PCYT1B: variants seen among roughly 807,000 people sequenced by gnomAD.
PCYT1B encodes the protein phosphate cytidylyltransferase 1B, choline.
Under a neutral mutation model 26.4 loss-of-function variants are expected in PCYT1B, and 10 were observed. The observed-to-expected ratio is 0.38, with a 90% CI of 0.23 to 0.64. The LOEUF is 0.64. Among genes scored for constraint, PCYT1B ranks in the 30% least tolerant of loss-of-function variants. PCYT1B has a pLI of 0.56. For synonymous variants in PCYT1B, 131 were observed against 108.4 expected, an observed-to-expected ratio of 1.21 and a Z score of -1.29; for missense variants, 161 against 292.7, an observed-to-expected ratio of 0.55 and a Z score of 3.28.
In PCYT1B at chrX:24,560,780, G is replaced by A. The variant is rs780286322; in HGVS notation, c.*1513C>T. ...AGATTCTGGGCTCTGCCTACAAGTTGCTGGTTTGGGCCTCTATTCAGTCAG... is the reference window on the plus strand; with the variant it reads ...AGATTCTGGGCTCTGCCTACAAGTTACTGGTTTGGGCCTCTATTCAGTCAG... On this transcript the variant is annotated 3_prime_UTR_variant, in exon 8 of 8. Transcript: ENST00000379144. The A allele has an allele frequency of 8.9e-6, 1 of 112,184 alleles. No homozygotes were observed. The highest frequency in any genetic ancestry group is 1.9e-5 in the Non-Finnish European group (1 of 53,176). The allele number at this position is 112,184 out of a possible 1,213,427, so 9.2% of individuals were successfully genotyped here. A position where few individuals can be genotyped will look rare whatever the true frequency, so the allele number is the denominator to read the frequency against.
rs1389560390 is a variant in PCYT1B at position 24,560,190 on chromosome X, TAAAGTGAGGTCCTG to T, written c.*2089_*2102del. ...GGCCTTCCCAAGAGAGTCTCACCTG[TAAAGTGAGGTCCTG>T]AAATGGTTTTATGAGAGCAGATTTT... is the stretch of plus-strand genomic sequence containing the variant. On this transcript the variant is annotated 3_prime_UTR_variant, in exon 8 of 8. Transcript: ENST00000379144. 8.9e-6 allele frequency: 1 copy of T among 112,001 alleles called. No individual in the cohort carries two copies. The highest frequency in any genetic ancestry group is 1.9e-5 in the Non-Finnish European group (1 of 53,190). 9.2% of individuals were successfully genotyped at this position (112,001 alleles called of 1,213,427 possible).
At chrX:24,671,867 A>G (rs1291644889) in intron 1 of PCYT1B, among the ~76,000 whole-genome samples, 1 of 112,361 alleles carries the variant, frequency 8.9e-6, no homozygotes, top group Non-Finnish European at 1.9e-5. Flanking sequence ...CCTCTGCCCA[A>G]GAGAAAAGAC....
chrX:24,654,749 C>CAAAAAAAAAAAAAAAAAAAAAAAAAAAAA (rs574317952), intron 1 of PCYT1B, among the ~76,000 whole-genome samples: 1 of 40,047 alleles, frequency 2.5e-5, no homozygotes, highest in Non-Finnish European at 4.0e-5. Flanking sequence ...GACCCTGTCT[C>CAAAAAAAAAAAAAAAAAAAAAAAAAAAAA]AAAAAAAAAA....
At chrX:24,613,520 T>C (rs977229806) in intron 2 of PCYT1B, among the ~76,000 whole-genome samples, 13 of 112,083 alleles carry the variant, frequency 1.2e-4, no homozygotes, top group African/African-American at 4.2e-4. Flanking sequence ...TCACAGATGA[T>C]ACATGAATAA....
At chrX:24,610,152 G>A (rs1005821971) in intron 2 of PCYT1B, among the ~76,000 whole-genome samples, 1 of 110,641 alleles carries the variant, frequency 9.0e-6, no homozygotes, top group African/African-American at 3.3e-5. Flanking sequence ...ATTTAAAAAA[G>A]AAATCAATGC....
chrX:24,623,250 GC>G (rs1315986325), intron 1 of PCYT1B, among the ~76,000 whole-genome samples: 4 of 109,094 alleles, frequency 3.7e-5, no homozygotes, highest in Non-Finnish European at 7.6e-5. Context: ...ACTCTTTTGA[GC>G]ATGAAAATCA....
At position 24,560,110 on chromosome X, in the gene PCYT1B, A is replaced by G. The variant is rs61756161; in HGVS notation, c.*2183T>C. 0.013 allele frequency: 1,437 copies of G among 112,263 alleles called. 15 individuals are homozygous for G. The highest frequency in any genetic ancestry group is 0.055 in the Middle Eastern group (12 of 217). The allele number at this position is 112,263 out of a possible 1,213,427, so 9.3% of individuals were successfully genotyped here. On this transcript the variant is annotated 3_prime_UTR_variant, in exon 8 of 8. Coordinates refer to ENST00000379144, the MANE Select transcript of PCYT1B (RefSeq NM_004845.5). ...TGATACACTATTTGCTCCAGAGTAT[A>G]AGATTCAGGTAAAAGTGAATCTATC...
At chrX:24,628,404 G>C (rs1249207406) in intron 1 of PCYT1B, among the ~76,000 whole-genome samples, 1 of 111,250 alleles carries the variant, frequency 9.0e-6, no homozygotes, top group Non-Finnish European at 1.9e-5. Flanking sequence ...AATGATAATT[G>C]ATAAAGACAA....
chrX:24,591,145 A>T lies in PCYT1B; in HGVS notation c.335-971T>A, dbSNP rs190125300. Among the ~76,000 whole-genome samples the T allele has an allele frequency of 9.7e-3, 1,089 of 111,714 alleles. 7 individuals carry two copies. Among genetic ancestry groups the T allele is most frequent in the Middle Eastern group, 0.018 (4 of 217 alleles). ...CAGGTTCCTGAACCCTCAAATGGGG[A>T]TATCTTCCACTATCAGCCTTAGAAA... On this transcript the variant is annotated intron_variant, in intron 3 of 7. Transcript: ENST00000379144.
chrX:24,579,687 AC>A (rs1391846389), intron 5 of PCYT1B, among the ~76,000 whole-genome samples: 1 of 111,128 alleles, frequency 9.0e-6, no homozygotes, highest in East Asian at 2.8e-4. Flanking sequence ...CATACCATGT[AC>A]TTGCCTGGCC....
At chrX:24,662,979 C>A (rs1174909121) in intron 1 of PCYT1B, among the ~76,000 whole-genome samples, 1 of 111,794 alleles carries the variant, frequency 8.9e-6, no homozygotes, top group Non-Finnish European at 1.9e-5. Flanking sequence ...GTGCTTGACA[C>A]CCATGACAAA....
intron 7 of PCYT1B, among the ~76,000 whole-genome samples, chrX:24,567,935 C>T (rs925950988): frequency 2.7e-5 from 3 of 110,784 alleles, no homozygotes; most frequent in African/African-American, 6.6e-5. Context: ...GGCAACAGAG[C>T]GAGACTCCAT....
intron 1 of PCYT1B, among the ~76,000 whole-genome samples, chrX:24,652,419 C>T (rs1021396997): frequency 1.8e-5 from 2 of 110,293 alleles, no homozygotes; most frequent in Admixed American, 1.9e-4. Context: ...ATTAGCCAAG[C>T]GTGTTGGTGG....
At chrX:24,672,674 C>A in exon 1 of PCYT1B, 1 of 1,031,818 alleles carries the variant, frequency 9.7e-7, no homozygotes, top group Non-Finnish European at 1.3e-6. Flanking sequence ...GGCCTCTACC[C>A]TTTGGAGTTC....
In PCYT1B at chrX:24,652,546, C is replaced by T. The variant is rs1365613603; in HGVS notation, c.63+20024G>A. 7.7e-5 allele frequency among the ~76,000 whole-genome samples: 8 copies of T among 104,321 alleles called. No homozygotes were observed. In the East Asian group the frequency reaches 1.5e-3, roughly 20 times the overall value. The allele number at this position is 104,321 out of a possible 115,157, so 90.6% of individuals were successfully genotyped here. A position where few individuals can be genotyped will look rare whatever the true frequency, so the allele number is the denominator to read the frequency against. ...TGCACTCCAGCCTGGGCGACAAGAGCGAAACTCCGTCTCAAAAAAAAAAAA... is the reference window on the plus strand; with the variant it reads ...TGCACTCCAGCCTGGGCGACAAGAGTGAAACTCCGTCTCAAAAAAAAAAAA... On this transcript the variant is annotated intron_variant, in intron 1 of 7. Transcript: ENST00000379145.
rs186659635 is a variant in PCYT1B at position 24,592,715 on chromosome X, A to G, written c.335-2541T>C. Among the ~76,000 whole-genome samples, 515 of 111,508 alleles carry G rather than the reference A, an allele frequency of 4.6e-3. 3 individuals carry two copies. The highest frequency in any genetic ancestry group is 0.016 in the African/African-American group (480 of 30,693). ...AACCAAAGTCCTCCAGTGGCTGACA[A>G]GACCTACGCCTCTGCCCACTCCTTG... On this transcript the variant is annotated intron_variant, in intron 3 of 7. Coordinates refer to ENST00000379144, the MANE Select transcript of PCYT1B (RefSeq NM_004845.5).
At position 24,646,979 on chromosome X, in the gene PCYT1B, C is replaced by G. The variant is rs770715502; in HGVS notation, c.117+10G>C. The G allele has an allele frequency of 5.2e-5, 62 of 1,194,165 alleles. No homozygotes were observed. Among genetic ancestry groups the G allele is most frequent in the Non-Finnish European group, 6.8e-5 (60 of 879,821 alleles). On this transcript the variant is annotated intron_variant, in intron 1 of 7. Coordinates refer to ENST00000379144, the MANE Select transcript of PCYT1B (RefSeq NM_004845.5). The stretch of plus-strand genomic sequence containing the variant: ...CCACGCATACATTTCCATCCTTTGT[C>G]TTTACTTACCAGTCGAGGCTGTGGG...
At chrX:24,650,377 T>C (rs1215134444), upstream of PCYT1B, among the ~76,000 whole-genome samples, 1 of 103,457 alleles carries the variant, frequency 9.7e-6, no homozygotes, top group Non-Finnish European at 2.0e-5. Context: ...TGGAATGCAG[T>C]GGTGCAATCT....
intron 2 of PCYT1B, among the ~76,000 whole-genome samples, chrX:24,613,587 T>C (rs915252343): frequency 1.8e-5 from 2 of 111,336 alleles, no homozygotes; most frequent in African/African-American, 3.3e-5. Flanking sequence ...CTACACACTG[T>C]GGAAACAGAT....
Sources: gnomAD v4.1 joint callset for allele counts (sites outside exome capture counted in the v4.1 genomes callset) on GRCh38, gnomAD v4.1.1 for gene constraint, MANE v1.5 for transcripts, NCBI Gene and HGNC (gene_info 2026-07-23, HGNC 2026-07-21) for gene names.